The following ABCA5 variants were observed in gnomAD, a reference collection of about 807,000 sequenced individuals.
The protein encoded by ABCA5 is cholesterol transporter ABCA5.
ABCA5 carries 163 observed loss-of-function variants against 206.0 expected under a neutral mutation model. That is an observed-to-expected ratio of 0.79 (90% CI 0.70 to 0.90). The LOEUF is 0.90. Among genes scored for constraint, ABCA5 ranks in the 40% least tolerant of loss-of-function variants. The pLI, the probability that ABCA5 is intolerant of heterozygous loss-of-function variation, is 0.00. For missense variants in ABCA5, 1,859 were observed against 1,912.9 expected, an observed-to-expected ratio of 0.97 and a Z score of 0.53; for synonymous variants, 609 against 613.8, an observed-to-expected ratio of 0.99 and a Z score of 0.11.
chr17:69,286,727 T>C (rs2075458448), intron 15 of ABCA5, among the ~76,000 whole-genome samples: 1 of 152,118 alleles, frequency 6.6e-6, no homozygotes, highest in African/African-American at 2.4e-5. Flanking sequence ...GTTTGTTGGG[T>C]TTTTAAAAAT....
At chr17:69,276,512 G>C (rs1027275724) in intron 19 of ABCA5, among the ~76,000 whole-genome samples, 2 of 152,170 alleles carry the variant, frequency 1.3e-5, no homozygotes, top group African/African-American at 4.8e-5. Flanking sequence ...AAGGTACATG[G>C]ATGAAGCTGG....
Position 69,289,851 on chromosome 17 carries a change from G to T in ABCA5, c.1782+11C>A. The T allele has an allele frequency of 6.3e-7, 1 of 1,576,108 alleles. No individual in the cohort carries two copies. Among genetic ancestry groups the T allele is most frequent in the Non-Finnish European group, 8.6e-7 (1 of 1,159,638 alleles). On this transcript the variant is annotated intron_variant, in intron 13 of 38. Coordinates refer to ENST00000392676, the MANE Select transcript of ABCA5 (RefSeq NM_172232.4). ...GAAATAAAAGTAAAGATTTCTATAT[G>T]AATAGCATACTTCTTGTATTATATT...
rs1228040052 is a variant in ABCA5 at position 69,286,222 on chromosome 17, T to G, written c.2131A>C (p.Ser711Arg). 7 of 1,602,118 alleles carry G rather than the reference T, an allele frequency of 4.4e-6. No homozygotes were observed. The highest frequency in any genetic ancestry group is 2.6e-6 in the Non-Finnish European group (3 of 1,176,352). Reference protein sequence around the residue: ...KSKWGIGYRLSMYIDKYCATE... With the variant: ...KSKWGIGYRLRMYIDKYCATE... ...AATGTCAATAAAAATGAATGATACC[T>G]CAGGCGGTAGCCGATCCCCCATTTA... Residue 711 changes from serine to arginine, a missense_variant and splice_region_variant, in exon 16 of 39, where the codon AGC becomes CGC. Coordinates refer to ENST00000392676, the MANE Select transcript of ABCA5 (RefSeq NM_172232.4).
In ABCA5 at chr17:69,259,705, C is replaced by A; in HGVS notation, c.3731+1G>T. ...TTAAAATTTTTAAAAAATCAACTGA[C>A]CTGAAAAAGGGATCTTTTCTTATTG... On this transcript the variant is annotated splice_donor_variant, in intron 28 of 38. Coordinates refer to ENST00000392676, the MANE Select transcript of ABCA5 (RefSeq NM_172232.4). LOFTEE classifies it high-confidence loss of function. 6.3e-7 allele frequency: 1 copy of A among 1,584,642 alleles called. No individual in the cohort carries two copies. Among genetic ancestry groups the A allele is most frequent in the Non-Finnish European group, 8.6e-7 (1 of 1,157,954 alleles).
chr17:69,280,597 T>C (rs1327152946), intron 18 of ABCA5, among the ~76,000 whole-genome samples: 25 of 151,174 alleles, frequency 1.7e-4, no homozygotes, highest in Admixed American at 1.2e-3. Flanking sequence ...ATGTTTATTG[T>C]GGCACTATTC....
At position 69,259,258 on chromosome 17, in the gene ABCA5, A is replaced by G. The variant is rs190383965; in HGVS notation, c.3731+448T>C. Reference sequence around the variant, plus strand: ...CGACTACATGATAAGCCCTCCAAACATTATACTAAGTGTAAAACCATATGC... The same window carrying G: ...CGACTACATGATAAGCCCTCCAAACGTTATACTAAGTGTAAAACCATATGC... On this transcript the variant is annotated intron_variant, in intron 28 of 38. Transcript: ENST00000392676. Among the ~76,000 whole-genome samples, 19 of 152,196 alleles carry G rather than the reference A, an allele frequency of 1.2e-4. No individual in the cohort carries two copies. The East Asian group carries it at 3.7e-3, about 29-fold the overall frequency.
chr17:69,313,721 T>C (rs765878654), intron 2 of ABCA5, among the ~76,000 whole-genome samples: 2 of 152,170 alleles, frequency 1.3e-5, no homozygotes, highest in African/African-American at 2.4e-5. Context: ...TATACCTAAA[T>C]GTATACTACC....
intron 18 of ABCA5, among the ~76,000 whole-genome samples, chr17:69,283,287 C>T (rs2075416467): frequency 6.6e-6 from 1 of 152,104 alleles, no homozygotes; most frequent in Admixed American, 6.6e-5. Flanking sequence ...CCCGGCCTCC[C>T]TATTTTCACT....
At chr17:69,273,859 GC>G (rs879370351) in intron 20 of ABCA5, 99 bp downstream of exon 20, 11 of 1,121,640 alleles carry the variant, frequency 9.8e-6, no homozygotes, top group Non-Finnish European at 1.4e-5. Context: ...GACAGACCAT[GC>G]CTTTACCTTA....
rs2075665054 is a variant in ABCA5 at position 69,302,715 on chromosome 17, T to C, written c.1119+3A>G. Reference sequence around the variant, plus strand: ...GTGAATGCAAGATTAATATATTACCTACCTGTGCAATACCAATCACAAAAG... The same window carrying C: ...GTGAATGCAAGATTAATATATTACCCACCTGTGCAATACCAATCACAAAAG... On this transcript the variant is annotated splice_donor_region_variant and intron_variant, in intron 8 of 38. Transcript: ENST00000392676. 1.3e-6 allele frequency: 2 copies of C among 1,515,014 alleles called. No individual in the cohort carries two copies. The highest frequency in any genetic ancestry group is 1.8e-6 in the Non-Finnish European group (2 of 1,139,698). 93.8% of individuals were successfully genotyped at this position (1,515,014 alleles called of 1,614,324 possible).
At chr17:69,251,993 C>A in intron 34 of ABCA5, 127 bp from the exon 35 acceptor site, 1 of 829,100 alleles carries the variant, frequency 1.2e-6, no homozygotes, top group Non-Finnish European at 1.8e-6. Context: ...ATTGCTATGG[C>A]TATTACATCC....
intron 23 of ABCA5, among the ~76,000 whole-genome samples, 169 bp from the exon 24 acceptor site, chr17:69,265,074 T>G (rs1416739098): frequency 3.3e-5 from 5 of 152,078 alleles, no homozygotes; most frequent in African/African-American, 1.2e-4. Context: ...CAAATTCCAT[T>G]TAGCCTTTAA....
intron 19 of ABCA5, among the ~76,000 whole-genome samples, chr17:69,274,582 GA>G (rs1036141865): frequency 3.9e-4 from 54 of 137,234 alleles, no homozygotes; most frequent in African/African-American, 7.0e-4. Context: ...AAAAAACAAA[GA>G]AAAAAAACTG....
rs376990008 is a variant in ABCA5 at position 69,289,250 on chromosome 17, T to C, written c.1829A>G (p.Asn610Ser). 4.9e-5 allele frequency: 78 copies of C among 1,607,958 alleles called. No homozygotes were observed. The highest frequency in any genetic ancestry group is 1.7e-4 in the Middle Eastern group (1 of 6,044). Reference protein sequence around the residue: ...LDLDMQTIKDNQAKKLSGGQK... With the variant: ...LDLDMQTIKDSQAKKLSGGQK... Reference sequence around the variant, plus strand: ...ACCACCACTTAATTTTTTAGCTTGGTTATCTTTGATAGTCTGCATGTCTAA... The same window carrying C: ...ACCACCACTTAATTTTTTAGCTTGGCTATCTTTGATAGTCTGCATGTCTAA... The change falls in exon 14 of 39, where the codon AAC (asparagine) becomes AGC (serine). Residue 610 changes from asparagine (N) to serine (S), a missense_variant. Transcript: ENST00000392676.
intron 17 of ABCA5, among the ~76,000 whole-genome samples, chr17:69,284,318 T>C (rs752269893): frequency 6.6e-5 from 10 of 152,092 alleles, no homozygotes; most frequent in Non-Finnish European, 1.2e-4. Context: ...GCTGTGATTG[T>C]GGCACTGAAC....
intron 28 of ABCA5, among the ~76,000 whole-genome samples, 161 bp from the exon 29 acceptor site, chr17:69,256,444 C>T (rs1213023281): frequency 6.7e-6 from 1 of 148,620 alleles, no homozygotes; most frequent in African/African-American, 2.5e-5. Flanking sequence ...CTTTTTTTTT[C>T]TTTCTTTCTT....
chr17:69,271,238 A>C lies in ABCA5; in HGVS notation c.2816T>G (p.Val939Gly), dbSNP rs1159505574. The C allele has an allele frequency of 6.2e-7, 1 of 1,613,490 alleles. No individual in the cohort carries two copies. Among genetic ancestry groups the C allele is most frequent in the Admixed American group, 1.7e-5 (1 of 59,956 alleles). Residue 939 changes from valine (V) to glycine (G), a missense_variant, in exon 21 of 39, where the codon GTG becomes GGG. Val to Gly is a moderately radical substitution (Grantham distance 109). Transcript: ENST00000392676. ...ISFFTSQNIM[V>G]TMINDSDYVS... ...ATAGTCACTGTCATTAATCATCGTC[A>C]CCATTATGTTCTGGCTTGTGAAAAA...
rs781250863 is a variant in ABCA5, at chr17:69,251,784, A to G, written c.4498T>C (p.Cys1500Arg). 42 of 1,613,974 alleles carry G rather than the reference A, an allele frequency of 2.6e-5. No homozygotes were observed. The highest frequency in any genetic ancestry group is 3.2e-5 in the Non-Finnish European group (38 of 1,179,984). Residue 1500 changes from cysteine (C) to arginine (R), a missense_variant, in exon 35 of 39, where the codon TGT (cysteine) becomes CGT (arginine). Physicochemically the swap from Cys to Arg is radical, Grantham distance 180 (BLOSUM62 -3). Transcript: ENST00000392676. ...GACACCATGATAGCTACTCGATCAC[A>G]GACAGCCTCTGCCTCCTCCATATAG... ...THYMEEAEAV[C>R]DRVAIMVSGQ... is the part of the protein sequence containing the mutation.
intron 6 of ABCA5, among the ~76,000 whole-genome samples, chr17:69,305,426 C>T (rs1462883260): frequency 6.6e-6 from 1 of 152,126 alleles, no homozygotes; most frequent in Non-Finnish European, 1.5e-5. Flanking sequence ...CATGAAATCA[C>T]TGAGTTAAGG....
Sources: gnomAD v4.1 joint callset for allele counts (sites outside exome capture counted in the v4.1 genomes callset) on GRCh38, gnomAD v4.1.1 for gene constraint, MANE v1.5 for transcripts, NCBI Gene and HGNC (gene_info 2026-07-23, HGNC 2026-07-21) for gene names.